FGF13: variants seen among roughly 807,000 people sequenced by gnomAD.
FGF13 encodes the protein fibroblast growth factor 13, also known as fibroblast growth factor homologous factor 2.
Under a neutral mutation model 19.5 loss-of-function variants are expected in FGF13, and 2 were observed. The ratio of observed to expected loss-of-function variants is 0.10; its 90% CI spans 0.04 to 0.32. The LOEUF is 0.32. Among genes scored for constraint, FGF13 ranks in the 10% least tolerant of loss-of-function variants. The pLI, the probability that FGF13 is intolerant of heterozygous loss-of-function variation, is 1.00. For missense variants in FGF13, 113 were observed against 192.7 expected (o/e 0.59, Z 2.45); for synonymous variants, 72 against 76.9 (o/e 0.94, Z 0.33).
At chrX:138,739,402 C>T, upstream of FGF13, 4 of 600,103 alleles carry the variant, frequency 6.7e-6, no homozygotes, top group Non-Finnish European at 1.0e-5. Context: ...AACATCAAGC[C>T]CATACTCTCA....
At chrX:138,897,727 C>T (rs1160289819) in intron 1 of FGF13, among the ~76,000 whole-genome samples, 1 of 111,524 alleles carries the variant, frequency 9.0e-6, no homozygotes, top group African/African-American at 3.3e-5. Flanking sequence ...GTTCACACCA[C>T]CAAACTACTA....
At chrX:139,181,818 A>G (rs1455551930) in intron 1 of FGF13, among the ~76,000 whole-genome samples, 1 of 112,020 alleles carries the variant, frequency 8.9e-6, no homozygotes, top group East Asian at 2.8e-4. Context: ...CCACTGGGAG[A>G]AGGGTGGAGA....
intron 3 of FGF13, among the ~76,000 whole-genome samples, chrX:138,787,195 T>C (rs956185665): frequency 7.1e-5 from 8 of 112,739 alleles, no homozygotes; most frequent in Non-Finnish European, 1.5e-4. Flanking sequence ...GATTAATTGA[T>C]ATTTGAATTA....
At chrX:138,805,813 C>T (rs1020312944) in intron 3 of FGF13, among the ~76,000 whole-genome samples, 6 of 111,629 alleles carry the variant, frequency 5.4e-5, no homozygotes, top group Non-Finnish European at 1.1e-4. Context: ...ATTCATCTTG[C>T]TTAAATGAAA....
chrX:139,177,745 T>A (rs747280268), intron 1 of FGF13, among the ~76,000 whole-genome samples: 16 of 111,377 alleles, frequency 1.4e-4, no homozygotes, highest in African/African-American at 4.9e-4. Flanking sequence ...CATTTCTCTC[T>A]CTCTTGCATT....
intron 1 of FGF13, among the ~76,000 whole-genome samples, chrX:139,157,211 C>G (rs903156479): frequency 1.8e-5 from 2 of 111,144 alleles, no homozygotes; most frequent in African/African-American, 6.6e-5. Context: ...ATATCATTTG[C>G]CAAAGGTCAC....
chrX:138,891,993 T>C (rs1328892692), intron 1 of FGF13, among the ~76,000 whole-genome samples: 1 of 62,548 alleles, frequency 1.6e-5, no homozygotes, highest in Non-Finnish European at 3.0e-5. Context: ...TCTCTCTCTA[T>C]ATATACATAT....
intron 1 of FGF13, among the ~76,000 whole-genome samples, chrX:139,159,188 A>G (rs932679753): frequency 8.9e-6 from 1 of 112,221 alleles, no homozygotes; most frequent in African/African-American, 3.2e-5. Context: ...ATTCTTAAAG[A>G]AAAGAATTTT....
At chrX:138,902,963 GA>G (rs1322308512) in intron 1 of FGF13, among the ~76,000 whole-genome samples, 1 of 109,170 alleles carries the variant, frequency 9.2e-6, no homozygotes, top group African/African-American at 3.3e-5. Flanking sequence ...AGAACAAGGA[GA>G]AAAAAAGATC....
At chrX:138,856,488 A>G (rs1393091175), downstream of FGF13, among the ~76,000 whole-genome samples, 1 of 112,016 alleles carries the variant, frequency 8.9e-6, no homozygotes, top group Admixed American at 9.5e-5. Flanking sequence ...AAGGATTCCC[A>G]TAATGATGCA....
intron 1 of FGF13, among the ~76,000 whole-genome samples, chrX:139,171,299 T>G (rs2084130666): frequency 8.9e-6 from 1 of 112,261 alleles, no homozygotes. Flanking sequence ...AAATACAAAT[T>G]CTACTTTTTT....
intron 3 of FGF13, among the ~76,000 whole-genome samples, chrX:138,676,742 A>G (rs750500274): frequency 2.7e-5 from 3 of 111,915 alleles, no homozygotes; most frequent in South Asian, 3.7e-4. Context: ...TCAGGCTTCT[A>G]TGAGAATCTA....
At chrX:138,924,854 A>C (rs1291209530) in intron 1 of FGF13, among the ~76,000 whole-genome samples, 4 of 110,572 alleles carry the variant, frequency 3.6e-5, no homozygotes, top group African/African-American at 1.3e-4. Flanking sequence ...AAAAAAAAAA[A>C]AAACCTGGTA....
intron 1 of FGF13, among the ~76,000 whole-genome samples, chrX:139,128,343 G>A (rs560207959): frequency 3.6e-5 from 4 of 111,418 alleles, no homozygotes; most frequent in African/African-American, 6.5e-5. Flanking sequence ...GCATACTCTC[G>A]GCAGTAACTA....
intron 1 of FGF13, among the ~76,000 whole-genome samples, chrX:138,888,886 A>G (rs962187010): frequency 9.0e-6 from 1 of 111,649 alleles, no homozygotes; most frequent in African/African-American, 3.3e-5. Context: ...CATTCTTCTG[A>G]TATCTTTGTC....
chrX:139,048,715 G>C (rs1434408135), intron 1 of FGF13, among the ~76,000 whole-genome samples: 1 of 109,827 alleles, frequency 9.1e-6, no homozygotes, highest in Non-Finnish European at 1.9e-5. Context: ...GTTTCTAACT[G>C]GTTAGTGTCA....
chrX:138,877,964 T>G (rs909624797), intron 1 of FGF13, among the ~76,000 whole-genome samples: 2 of 111,340 alleles, frequency 1.8e-5, no homozygotes, highest in Non-Finnish European at 3.8e-5. Context: ...AATTGCTGAA[T>G]CAGATGATGA....
chrX:138,811,815 C>T (rs1038596867), intron 3 of FGF13, among the ~76,000 whole-genome samples: 2 of 110,549 alleles, frequency 1.8e-5, no homozygotes, highest in Non-Finnish European at 3.8e-5. Flanking sequence ...ACACCACCAT[C>T]CACCAGGTTG....
At chrX:138,891,838 C>A (rs2091478715) in intron 1 of FGF13, among the ~76,000 whole-genome samples, 2 of 110,662 alleles carry the variant, frequency 1.8e-5, no homozygotes, top group South Asian at 3.9e-4. Context: ...TTCTTCCGTG[C>A]TGGATGCTTC....
Sources: gnomAD v4.1 joint callset for allele counts (sites outside exome capture counted in the v4.1 genomes callset) on GRCh38, gnomAD v4.1.1 for gene constraint, MANE v1.5 for transcripts, NCBI Gene and HGNC (gene_info 2026-07-23, HGNC 2026-07-21) for gene names.